Variants in SCN3A observed in about 807,000 individuals in gnomAD.
SCN3A encodes sodium channel protein type 3 subunit alpha.
SCN3A carries 60 observed loss-of-function variants against 187.6 expected under a neutral mutation model. The observed-to-expected ratio is 0.32, with a 90% CI of 0.26 to 0.40. The LOEUF is 0.40. Among genes scored for constraint, SCN3A ranks in the 10% least tolerant of loss-of-function variants. The pLI is 1.00. For synonymous variants in SCN3A, 788 were observed against 829.2 expected (o/e 0.95, Z 0.85); for missense variants, 1,601 against 2,428.2 (o/e 0.66, Z 7.16).
At chr2:165,122,239 C>CTTTTTTTTTTTTTTTTTT (rs1286913407) in intron 18 of SCN3A, among the ~76,000 whole-genome samples, 2 of 128,916 alleles carry the variant, frequency 1.6e-5, no homozygotes, top group African/African-American at 2.9e-5. Context: ...TCTTTTTTTT[C>CTTTTTTTTTTTTTTTTTT]TTTTTTTTTT....
chr2:165,111,335 C>G (rs1686103565), intron 21 of SCN3A, among the ~76,000 whole-genome samples: 1 of 151,628 alleles, frequency 6.6e-6, no homozygotes, highest in Non-Finnish European at 1.5e-5. Flanking sequence ...AACTCCGTCT[C>G]AAAAATAAAA....
At chr2:165,184,483 G>GAAAAAA (rs397986547) in intron 2 of SCN3A, among the ~76,000 whole-genome samples, 1 of 59,566 alleles carries the variant, frequency 1.7e-5, no homozygotes, top group Non-Finnish European at 4.0e-5. Flanking sequence ...GTCTAGTTCA[G>GAAAAAA]AAAAAAAAAA....
chr2:165,178,318 C>G lies in SCN3A; in HGVS notation c.-50-1874G>C, dbSNP rs572131622. ...CACGGCTCACTGCAGCCTTGAACTC[C>G]CGGGCTCAGGTGATCCTCCCACCTC... On this transcript the variant is annotated intron_variant, in intron 2 of 27. Transcript: ENST00000283254. Among the ~76,000 whole-genome samples the G allele has an allele frequency of 2.6e-5, 4 of 152,200 alleles. No homozygotes were observed. In the South Asian group the frequency reaches 8.3e-4, roughly 32 times the overall value.
At position 165,092,741 on chromosome 2, in the gene SCN3A, A is replaced by G. The variant is rs1052319056; in HGVS notation, c.4537-217T>C. 5.7e-6 allele frequency: 3 copies of G among 529,998 alleles called. No homozygotes were observed. The highest frequency in any genetic ancestry group is 1.9e-5 in the African/African-American group (1 of 52,396). 32.8% of individuals were successfully genotyped at this position (529,998 alleles called of 1,614,324 possible). Reference sequence around the variant, plus strand: ...AGCATATTTGGTTTATATAGGTCCTATGGAAAGACAAAGCTGGATGAGACA... The same window carrying G: ...AGCATATTTGGTTTATATAGGTCCTGTGGAAAGACAAAGCTGGATGAGACA... On this transcript the variant is annotated intron_variant, in intron 26 of 27. Coordinates refer to ENST00000283254, the MANE Select transcript of SCN3A (RefSeq NM_006922.4). The surrounding 1 kb of genome is among the most constrained non-coding windows in gnomAD (Gnocchi z 4.2).
chr2:165,189,753 C>G (rs1691475345), intron 1 of SCN3A, among the ~76,000 whole-genome samples: 1 of 151,906 alleles, frequency 6.6e-6, no homozygotes, highest in African/African-American at 2.4e-5. Context: ...CTTCTAGTTC[C>G]CAGTGTTGTA....
intron 15 of SCN3A, among the ~76,000 whole-genome samples, chr2:165,133,180 T>G (rs1043361130): frequency 7.2e-5 from 11 of 152,096 alleles, no homozygotes; most frequent in Admixed American, 2.0e-4. Flanking sequence ...TTACACTGTT[T>G]GTGGGACTGT....
intron 22 of SCN3A, among the ~76,000 whole-genome samples, chr2:165,099,263 C>G (rs1401751463): frequency 6.6e-6 from 1 of 152,112 alleles, no homozygotes; most frequent in African/African-American, 2.4e-5. Context: ...GTGCTGAATT[C>G]TACCGAGGGG....
chr2:165,142,296 C>A (rs1465870349), intron 12 of SCN3A, among the ~76,000 whole-genome samples: 1 of 152,144 alleles, frequency 6.6e-6, no homozygotes. Context: ...CAAATGTATT[C>A]TTGGTTCCTC....
rs192818245 is a variant in SCN3A at position 165,109,921 on chromosome 2, C to G, written c.3843+2964G>C. Among the ~76,000 whole-genome samples the G allele has an allele frequency of 2.2e-3, 333 of 152,110 alleles. 2 individuals carry two copies. The highest frequency in any genetic ancestry group is 7.6e-3 in the African/African-American group (315 of 41,478). On this transcript the variant is annotated intron_variant, in intron 21 of 27. Transcript: ENST00000283254. ...CATGTTTCATCACATACAAGTACGC[C>G]AGTTTCTTTCTATCTCTTTTATCTC...
chr2:165,155,453 G>A (rs947063267), intron 10 of SCN3A, among the ~76,000 whole-genome samples: 1 of 151,716 alleles, frequency 6.6e-6, no homozygotes, highest in Admixed American at 6.6e-5. Context: ...AGGCTGGAGT[G>A]CAATGATATG....
intron 12 of SCN3A, among the ~76,000 whole-genome samples, chr2:165,141,863 A>C (rs947476469): frequency 5.3e-5 from 8 of 152,254 alleles, no homozygotes; most frequent in Non-Finnish European, 8.8e-5. Flanking sequence ...TTATATTAAA[A>C]AGAAAGAGAC....
In SCN3A at chr2:165,092,170, C is replaced by A; in HGVS notation, c.4807+84G>T. 1 of 1,314,688 alleles carries A rather than the reference C, an allele frequency of 7.6e-7. No homozygotes were observed. Among genetic ancestry groups the A allele is most frequent in the Non-Finnish European group, 1.1e-6 (1 of 909,152 alleles). 81.4% of individuals were successfully genotyped at this position (1,314,688 alleles called of 1,614,324 possible). A position where few individuals can be genotyped will look rare whatever the true frequency, so the allele number is the denominator to read the frequency against. On this transcript the variant is annotated intron_variant, in intron 27 of 27. Transcript: ENST00000283254. The surrounding 1 kb of genome is among the most constrained non-coding windows in gnomAD (Gnocchi z 4.2). ...TCTATATGCATTATTATTCTCAGAC[C>A]TAATTTCCATGTTAATCAGCTAGAA...
At chr2:165,171,577 C>G (rs1296554347) in intron 3 of SCN3A, among the ~76,000 whole-genome samples, 2 of 152,008 alleles carry the variant, frequency 1.3e-5, no homozygotes, top group Non-Finnish European at 2.9e-5. Context: ...TGAGGCGATT[C>G]CAATATGCAA....
chr2:165,126,596 C>CTTCA (rs1252863102), intron 18 of SCN3A, among the ~76,000 whole-genome samples: 4 of 113,660 alleles, frequency 3.5e-5, no homozygotes, highest in Non-Finnish European at 7.7e-5. Context: ...CCCTCCCTCC[C>CTTCA]TTCGTTCCTT....
chr2:165,091,680 T>G (rs540263631), intron 27 of SCN3A: 3 of 324,368 alleles, frequency 9.2e-6, no homozygotes, highest in African/African-American at 6.4e-5. Context: ...AATCTCTGAA[T>G]ATATTGTTTT....
At chr2:165,195,575 GT>G (rs1317586550) in intron 1 of SCN3A, 2 of 152,076 alleles carry the variant, frequency 1.3e-5, no homozygotes, top group Non-Finnish European at 2.9e-5. Context: ...AAACTATTTT[GT>G]TAAGTGTGAA....
intron 21 of SCN3A, among the ~76,000 whole-genome samples, chr2:165,111,204 G>A (rs902778848): frequency 1.3e-4 from 19 of 151,920 alleles, no homozygotes; most frequent in Non-Finnish European, 2.2e-4. Flanking sequence ...GGCATGGTGC[G>A]GGCACCTGTA....
At chr2:165,097,170 A>C (rs1422626884) in intron 23 of SCN3A, 82 bp downstream of exon 23, 14 of 1,531,798 alleles carry the variant, frequency 9.1e-6, no homozygotes, top group Non-Finnish European at 1.3e-5. Context: ...AATGTTAGTC[A>C]TTCAAACGAA....
intron 13 of SCN3A, 24 bp from the exon 14 acceptor site, chr2:165,139,632 C>G (rs1363345717): frequency 1.2e-6 from 2 of 1,613,266 alleles, no homozygotes; most frequent in Non-Finnish European, 1.7e-6. Context: ...ACTGATGGCT[C>G]AAACCACTCT....
Sources: allele counts gnomAD v4.1 joint callset (sites outside exome capture counted in the v4.1 genomes callset), GRCh38; gene constraint gnomAD v4.1.1; non-coding constraint Gnocchi (gnomAD v3.1); transcripts MANE v1.5; gene names NCBI Gene and HGNC (gene_info 2026-07-23, HGNC 2026-07-21).